IL7: variants seen among roughly 807,000 people sequenced by gnomAD.
IL7 encodes interleukin-7.
A neutral mutation model predicts 21.6 loss-of-function variants in IL7; 3 were observed. The observed-to-expected ratio is 0.14, with a 90% CI of 0.06 to 0.36. The LOEUF is 0.36. Among genes scored for constraint, IL7 ranks in the 10% least tolerant of loss-of-function variants. The pLI is 1.00. For synonymous variants in IL7, 62 were observed against 68.1 expected (o/e 0.91, Z 0.44); for missense variants, 175 against 200.2 (o/e 0.87, Z 0.76).
At chr8:78,769,369 A>G (rs1586087848) in intron 2 of IL7, among the ~76,000 whole-genome samples, 1 of 152,262 alleles carries the variant, frequency 6.6e-6, no homozygotes, top group East Asian at 1.9e-4. Flanking sequence ...CAAAAATCAC[A>G]AGCATTTTTA....
At chr8:78,797,768 G>A (rs149498826) in intron 2 of IL7, 123 of 221,942 alleles carry the variant, frequency 5.5e-4, no homozygotes, top group African/African-American at 2.6e-3. Flanking sequence ...GACTAACATG[G>A]TAAATGGGAG....
rs576624152 is a variant in IL7, at chr8:78,746,231, G to T, written c.148-6149C>A. 3.3e-5 allele frequency among the ~76,000 whole-genome samples: 5 copies of T among 152,338 alleles called. No individual in the cohort carries two copies. In the South Asian group the frequency reaches 1.0e-3, roughly 32 times the overall value. On this transcript the variant is annotated intron_variant, in intron 2 of 5. Coordinates refer to ENST00000263851, the MANE Select transcript of IL7 (RefSeq NM_000880.4). ...TTTCAGTACAGTTTCTGTGGATCAA[G>T]AATTTGGAAGCTGCCTAACCGGGAG...
intron 2 of IL7, among the ~76,000 whole-genome samples, chr8:78,773,568 C>T (rs543065305): frequency 6.6e-5 from 10 of 152,002 alleles, no homozygotes; most frequent in Admixed American, 3.3e-4. Context: ...TGGTGCTGGG[C>T]GTGTAAGGGG....
In IL7 at chr8:78,805,192, A is replaced by G. The variant is rs1257947018; in HGVS notation, c.-270T>C. The G allele has an allele frequency of 9.8e-6, 4 of 408,994 alleles. No homozygotes were observed. The highest frequency in any genetic ancestry group is 8.3e-5 in the African/African-American group (4 of 48,214). The allele number at this position is 408,994 out of a possible 1,614,324, so 25.3% of individuals were successfully genotyped here. A position where few individuals can be genotyped will look rare whatever the true frequency, so the allele number is the denominator to read the frequency against. On this transcript the variant is annotated 5_prime_UTR_variant, in exon 1 of 6. Coordinates refer to ENST00000263851, the MANE Select transcript of IL7 (RefSeq NM_000880.4). Reference sequence around the variant, plus strand: ...CGCCAGCAGTGTACTTTCAGTTTCTACTTTGCGCTTGGTCTGCAGGTTCAA... The same window carrying G: ...CGCCAGCAGTGTACTTTCAGTTTCTGCTTTGCGCTTGGTCTGCAGGTTCAA...
intron 2 of IL7, among the ~76,000 whole-genome samples, chr8:78,781,587 C>T (rs1586100321): frequency 6.6e-6 from 1 of 152,130 alleles, no homozygotes; most frequent in East Asian, 1.9e-4. Context: ...GAGAGGTTTG[C>T]TGTTATTCCG....
chr8:78,769,719 A>G (rs1196464155), intron 2 of IL7, among the ~76,000 whole-genome samples: 2 of 152,328 alleles, frequency 1.3e-5, no homozygotes, highest in Admixed American at 6.5e-5. Flanking sequence ...AAGAGCCCAC[A>G]TCGCCAAGTC....
intron 1 of IL7, among the ~76,000 whole-genome samples, chr8:78,801,843 C>T (rs560974702): frequency 1.3e-5 from 2 of 152,158 alleles, no homozygotes; most frequent in Non-Finnish European, 2.9e-5. Context: ...CCAGCTCTCC[C>T]ATTAATGATG....
At chr8:78,725,849 G>C in intron 3 of IL7, among the ~76,000 whole-genome samples, 1 of 151,922 alleles carries the variant, frequency 6.6e-6, no homozygotes, top group East Asian at 1.9e-4. Flanking sequence ...TAAATGTTAT[G>C]AATTATTTAT....
chr8:78,715,435 A>T, downstream of IL7: 2 of 1,047,628 alleles, frequency 1.9e-6, no homozygotes, highest in Middle Eastern at 2.3e-4. Context: ...AGAAAACCTG[A>T]TTTTTTTCTT....
At chr8:78,803,007 T>C (rs1814135570) in intron 1 of IL7, among the ~76,000 whole-genome samples, 1 of 152,158 alleles carries the variant, frequency 6.6e-6, no homozygotes, top group African/African-American at 2.4e-5. Context: ...TGTGTCAGGG[T>C]TAAAAGCAGA....
At chr8:78,777,142 C>T (rs1813160912) in intron 2 of IL7, among the ~76,000 whole-genome samples, 1 of 152,026 alleles carries the variant, frequency 6.6e-6, no homozygotes. Flanking sequence ...CCTCTATCTG[C>T]ACATGGTAAA....
intron 3 of IL7, among the ~76,000 whole-genome samples, chr8:78,709,050 T>A (rs1377519506): frequency 6.6e-6 from 1 of 152,194 alleles, no homozygotes; most frequent in African/African-American, 2.4e-5. Flanking sequence ...CCATTTGAAT[T>A]GTTCCCTAGA....
rs530863245 is a variant in IL7 at position 78,738,965 on chromosome 8, G to A, written c.229-330C>T. Among the ~76,000 whole-genome samples the A allele has an allele frequency of 2.0e-5, 3 of 152,292 alleles. No homozygotes were observed. The South Asian group carries it at 6.2e-4, about 32-fold the overall frequency. ...TTTAAACATGATAACCGAAGGAGAA[G>A]ACTTCTGGAAGCAACAATGTATTAT... On this transcript the variant is annotated intron_variant, in intron 3 of 5. Transcript: ENST00000263851.
At chr8:78,711,356 T>A (rs1180417678) in intron 3 of IL7, among the ~76,000 whole-genome samples, 2 of 152,090 alleles carry the variant, frequency 1.3e-5, no homozygotes, top group Non-Finnish European at 2.9e-5. Flanking sequence ...AGAGCCTTTA[T>A]AATTTTGGTC....
At chr8:78,776,429 A>C (rs1018526566) in intron 2 of IL7, among the ~76,000 whole-genome samples, 1 of 152,102 alleles carries the variant, frequency 6.6e-6, no homozygotes, top group African/African-American at 2.4e-5. Context: ...TTGAACCTTC[A>C]TTGATTTTTG....
intron 3 of IL7, among the ~76,000 whole-genome samples, chr8:78,708,536 A>G (rs1810852951): frequency 6.6e-6 from 1 of 151,980 alleles, no homozygotes; most frequent in African/African-American, 2.4e-5. Flanking sequence ...AAACAAAAAC[A>G]ACCTTTTTAA....
At chr8:78,746,792 A>G (rs1299511666) in intron 2 of IL7, 3 of 335,838 alleles carry the variant, frequency 8.9e-6, no homozygotes, top group Non-Finnish European at 1.7e-5. Flanking sequence ...TGTAGCAAAA[A>G]CTGACTGATA....
At chr8:78,718,053 A>T (rs1811161527) in intron 6 of IL7, 1 of 152,074 alleles carries the variant, frequency 6.6e-6, no homozygotes, top group South Asian at 2.1e-4. Context: ...CTAAGAGAAA[A>T]AAAAACCCCT....
At chr8:78,762,349 C>T in intron 2 of IL7, 1 of 1,612,620 alleles carries the variant, frequency 6.2e-7, no homozygotes, top group Admixed American at 1.7e-5. Context: ...TGGCAGGGTC[C>T]CGCGGGAAGC....
Sources: gnomAD v4.1 joint callset for allele counts (sites outside exome capture counted in the v4.1 genomes callset) on GRCh38, gnomAD v4.1.1 for gene constraint, MANE v1.5 for transcripts, NCBI Gene and HGNC (gene_info 2026-07-23, HGNC 2026-07-21) for gene names.